The following RTL4 variants were observed in gnomAD, a reference collection of about 807,000 sequenced individuals.
RTL4 encodes retrotransposon Gag-like protein 4.
Under a neutral mutation model 5.3 loss-of-function variants are expected in RTL4, and 4 were observed. The ratio of observed to expected loss-of-function variants is 0.75; its 90% CI spans 0.37 to 1.72. RTL4 has a LOEUF of 1.72. RTL4 is among the 40% of genes most tolerant of loss of function. The pLI, the probability that RTL4 is intolerant of heterozygous loss-of-function variation, is 0.04. For missense variants in RTL4, 260 were observed against 227.1 expected (o/e 1.14, Z -0.93); for synonymous variants, 98 against 87.3 (o/e 1.12, Z -0.68).
chrX:112,359,841 T>C, the RTL4 span, among the ~76,000 whole-genome samples: 1 of 111,119 alleles, frequency 9.0e-6, no homozygotes, highest in Middle Eastern at 4.6e-3. Flanking sequence ...TTTTCTGATG[T>C]AGGCAATATA....
chrX:112,100,451 C>T, the RTL4 span, among the ~76,000 whole-genome samples: 261 of 111,814 alleles, frequency 2.3e-3, 3 homozygotes, highest in African/African-American at 7.9e-3. Context: ...AATGTATATA[C>T]GTGGAATGAT....
At chrX:112,347,815 C>T in the RTL4 span, among the ~76,000 whole-genome samples, 1 of 111,505 alleles carries the variant, frequency 9.0e-6, no homozygotes, top group Non-Finnish European at 1.9e-5. Context: ...TCCTGCAGGA[C>T]TTTTGGGCAG....
At chrX:112,306,254 A>G in the RTL4 span, among the ~76,000 whole-genome samples, 752 of 110,851 alleles carry the variant, frequency 6.8e-3, 3 homozygotes, top group Non-Finnish European at 0.011. Context: ...TTGAAGCACA[A>G]TTTGTTCAGA....
chrX:112,397,607 T>C, the RTL4 span, among the ~76,000 whole-genome samples: 1 of 112,302 alleles, frequency 8.9e-6, no homozygotes, highest in Non-Finnish European at 1.9e-5. Context: ...ATCTTAAGTG[T>C]TGAGCTTTCC....
At chrX:112,189,364 CAT>C in the RTL4 span, among the ~76,000 whole-genome samples, 115 of 111,807 alleles carry the variant, frequency 1.0e-3, 2 homozygotes, top group Non-Finnish European at 5.3e-4. Flanking sequence ...ATTTGAAAAA[CAT>C]AAAAACGTGA....
At chrX:112,116,036 T>C in the RTL4 span, among the ~76,000 whole-genome samples, 1 of 111,940 alleles carries the variant, frequency 8.9e-6, no homozygotes, top group Non-Finnish European at 1.9e-5. Context: ...TGGAAGCTGG[T>C]TAGAGGCAAA....
the RTL4 span, among the ~76,000 whole-genome samples, chrX:112,092,746 C>T: frequency 1.7e-3 from 191 of 110,845 alleles, no homozygotes; most frequent in African/African-American, 5.9e-3. Context: ...CTCATGAGAT[C>T]TGATGGTTTT....
At chrX:112,370,432 A>G in the RTL4 span, among the ~76,000 whole-genome samples, 1 of 111,927 alleles carries the variant, frequency 8.9e-6, no homozygotes, top group Admixed American at 9.4e-5. Context: ...GGTTATACAT[A>G]TTTATCATTT....
the RTL4 span, among the ~76,000 whole-genome samples, chrX:112,217,176 G>A: frequency 1.8e-5 from 2 of 111,567 alleles, no homozygotes; most frequent in African/African-American, 6.5e-5. Context: ...GAGCAGAAAT[G>A]CCACAAGAGG....
chrX:112,408,249 C>A, the RTL4 span, among the ~76,000 whole-genome samples: 1 of 110,298 alleles, frequency 9.1e-6, no homozygotes, highest in Non-Finnish European at 1.9e-5. Flanking sequence ...CAAAGAAATT[C>A]CAGGTAACAC....
chrX:112,416,204 G>A, the RTL4 span, among the ~76,000 whole-genome samples: 3 of 111,232 alleles, frequency 2.7e-5, no homozygotes, highest in Non-Finnish European at 3.8e-5. Context: ...TCTTACACCT[G>A]TCATATTGGA....
rs7052584 is a variant in RTL4, at chrX:112,454,715, T to C, written c.-14T>C. On this transcript the variant is annotated 5_prime_UTR_variant, in exon 1 of 1. Transcript: ENST00000340433. The stretch of plus-strand genomic sequence containing the variant: ...CTCAATTCTACTCAATCCCACCTGA[T>C]TCCAGGAGACATAATGGAGAAGTGC... 18,726 of 1,167,125 alleles carry C rather than the reference T, an allele frequency of 0.016. 978 individuals carry two copies. The African/African-American group carries it at 0.2, about 13-fold the overall frequency.
chrX:112,091,379 A>G, the RTL4 span, among the ~76,000 whole-genome samples: 9 of 111,895 alleles, frequency 8.0e-5, no homozygotes, highest in Non-Finnish European at 3.8e-5. Flanking sequence ...CATGTATAAT[A>G]TAAATATCAG....
At chrX:112,106,271 A>G in the RTL4 span, among the ~76,000 whole-genome samples, 44 of 112,041 alleles carry the variant, frequency 3.9e-4, no homozygotes, top group Non-Finnish European at 9.4e-5. Flanking sequence ...AATTCAGATT[A>G]CTAGTATTTT....
chrX:112,164,058 G>A, the RTL4 span, among the ~76,000 whole-genome samples: 1 of 111,814 alleles, frequency 8.9e-6, no homozygotes, highest in Non-Finnish European at 1.9e-5. Context: ...ATTTTATAGC[G>A]AAGAAAACTC....
the RTL4 span, among the ~76,000 whole-genome samples, chrX:112,297,543 C>T: frequency 0.26 from 28,887 of 110,263 alleles, 3,216 homozygotes; most frequent in African/African-American, 0.39. Flanking sequence ...TGCTGAACCA[C>T]GAAAAACCAT....
chrX:112,238,659 G>A, the RTL4 span, among the ~76,000 whole-genome samples: 5 of 111,347 alleles, frequency 4.5e-5, no homozygotes, highest in East Asian at 1.1e-3. Context: ...TAGGGACCTC[G>A]GGACTTGAGG....
the RTL4 span, among the ~76,000 whole-genome samples, chrX:112,388,909 G>T: frequency 9.0e-6 from 1 of 111,678 alleles, no homozygotes. Flanking sequence ...TTTGGTACCA[G>T]GATGATACTG....
At chrX:112,363,526 G>A in the RTL4 span, among the ~76,000 whole-genome samples, 1 of 110,311 alleles carries the variant, frequency 9.1e-6, no homozygotes, top group Non-Finnish European at 1.9e-5. Flanking sequence ...ATACTTATGA[G>A]TATGAGAAGG....
Sources: allele counts gnomAD v4.1 joint callset (sites outside exome capture counted in the v4.1 genomes callset), GRCh38; gene constraint gnomAD v4.1.1; transcripts MANE v1.5; gene names NCBI Gene and HGNC (gene_info 2026-07-23, HGNC 2026-07-21).